SPECC1: variants seen among roughly 807,000 people sequenced by gnomAD.
SPECC1 encodes sperm antigen with calponin homology and coiled-coil domains 1, also known as cytospin-B.
In SPECC1, 62 loss-of-function variants were observed where a neutral mutation model predicts 104.1. That is an observed-to-expected ratio of 0.60 (90% CI 0.49 to 0.74). SPECC1 has a LOEUF of 0.74. SPECC1 is among the 30% of genes least tolerant of loss of function. The pLI, the probability that SPECC1 is intolerant of heterozygous loss-of-function variation, is 0.00. For synonymous variants in SPECC1, 513 were observed against 501.6 expected (o/e 1.02, Z -0.30); for missense variants, 1,306 against 1,310.5 (o/e 1.00, Z 0.05).
chr17:20,266,336 C>A (rs1384574205), intron 12 of SPECC1, among the ~76,000 whole-genome samples: 1 of 152,220 alleles, frequency 6.6e-6, no homozygotes, highest in East Asian at 1.9e-4. Context: ...GTAATCCCAG[C>A]ACTTTGGGAG....
Position 20,194,502 on chromosome 17 carries a change from A to ATTATTATTTTTTTTTTTTTTT in SPECC1, c.284-9829_284-9828insATTATTTTTTTTTTTTTTTTT. 1.2e-3 allele frequency among the ~76,000 whole-genome samples: 101 copies of ATTATTATTTTTTTTTTTTTTT among 86,534 alleles called. 8 individuals carry two copies. Among genetic ancestry groups the ATTATTATTTTTTTTTTTTTTT allele is most frequent in the African/African-American group, 2.4e-3 (45 of 18,738 alleles). The allele number at this position is 86,534 out of a possible 152,430, so 56.8% of individuals were successfully genotyped here. On this transcript the variant is annotated intron_variant, in intron 3 of 14. Coordinates refer to ENST00000395527, the MANE Select transcript of SPECC1 (RefSeq NM_001243439.2). ...TGTGTTCTGTTAGAAAAGAGAACGA[A>ATTATTATTTTTTTTTTTTTTT]TTTTTTTTTTTTTTTTTTTTTTTGA...
intron 1 of SPECC1, among the ~76,000 whole-genome samples, chr17:20,029,867 AT>A (rs1477694477): frequency 9.2e-5 from 14 of 151,448 alleles, no homozygotes; most frequent in Non-Finnish European, 1.9e-4. Flanking sequence ...GGTTTTATTT[AT>A]TTTTTTCCAT....
At chr17:20,242,251 C>T (rs1325497743) in intron 7 of SPECC1, among the ~76,000 whole-genome samples, 2 of 152,232 alleles carry the variant, frequency 1.3e-5, no homozygotes, top group Non-Finnish European at 2.9e-5. Context: ...CATTTGAAAA[C>T]TCTGTTCTCT....
intron 14 of SPECC1, among the ~76,000 whole-genome samples, chr17:20,313,155 A>C (rs1475950497): frequency 6.6e-6 from 1 of 152,228 alleles, no homozygotes; most frequent in Non-Finnish European, 1.5e-5. Context: ...CATGCTCATT[A>C]CAAGCTTACT....
At chr17:20,053,217 C>T (rs1468678444) in intron 1 of SPECC1, among the ~76,000 whole-genome samples, 2 of 152,162 alleles carry the variant, frequency 1.3e-5, no homozygotes, top group Non-Finnish European at 2.9e-5. Context: ...TTTCATGGCT[C>T]ACTTTTCAGG....
At chr17:20,243,115 A>G (rs767996868) in intron 7 of SPECC1, among the ~76,000 whole-genome samples, 8 of 152,186 alleles carry the variant, frequency 5.3e-5, no homozygotes, top group Non-Finnish European at 2.9e-5. Flanking sequence ...TTACAAAAGC[A>G]TGTACTTTTG....
intron 1 of SPECC1, among the ~76,000 whole-genome samples, chr17:20,021,660 G>GATAT (rs34412987): frequency 0.036 from 5,120 of 140,500 alleles, 130 homozygotes; most frequent in African/African-American, 0.068. Flanking sequence ...CCAAGGCTCT[G>GATAT]ATATATATAT....
chr17:20,210,857 G>A (rs1206238607), intron 4 of SPECC1, among the ~76,000 whole-genome samples: 1 of 152,098 alleles, frequency 6.6e-6, no homozygotes, highest in Admixed American at 6.5e-5. Context: ...TCCATGCCAG[G>A]CCTGGCCGGG....
rs373684023 is a variant in SPECC1, at chr17:20,020,603, A to T, written c.-22+11179A>T. Among the ~76,000 whole-genome samples the T allele has an allele frequency of 6.0e-4, 91 of 152,260 alleles. 1 individual carries two copies. The highest frequency in any genetic ancestry group is 2.1e-3 in the African/African-American group (87 of 41,552). ...CGCCTCAGCCTCCCAAAGTGCTGGG[A>T]TTACAGGCGTGAGCCTCCACGCCTG... On this transcript the variant is annotated intron_variant, in intron 1 of 14. Transcript: ENST00000395527.
rs1273866944 is a variant in SPECC1 at position 20,231,743 on chromosome 17, ATTAT to A, written c.2072-8_2072-5del. The A allele has an allele frequency of 6.2e-7, 1 of 1,613,450 alleles. No homozygotes were observed. Among genetic ancestry groups the A allele is most frequent in the South Asian group, 1.1e-5 (1 of 91,062 alleles). Reference sequence around the variant, plus strand: ...CACAGCTTTTCTAAGCCCTGTCTGAATTATTTATTTCTAGGTAGTGTGATCAAGC... The same window carrying A: ...CACAGCTTTTCTAAGCCCTGTCTGAATTATTTCTAGGTAGTGTGATCAAGC... On this transcript the variant is annotated splice_polypyrimidine_tract_variant and intron_variant, in intron 5 of 14. Transcript: ENST00000395527.
chr17:20,017,039 G>T (rs368013428), intron 1 of SPECC1: 1 of 152,222 alleles, frequency 6.6e-6, no homozygotes, highest in Non-Finnish European at 1.5e-5. Flanking sequence ...TGGACCAATC[G>T]GTTCTCTGTA....
At chr17:20,050,497 T>C (rs2045700189) in intron 1 of SPECC1, among the ~76,000 whole-genome samples, 1 of 152,230 alleles carries the variant, frequency 6.6e-6, no homozygotes, top group African/African-American at 2.4e-5. Context: ...TTCAATAAAA[T>C]CATTTTGGAG....
At chr17:20,072,996 C>T (rs1190569938) in intron 1 of SPECC1, among the ~76,000 whole-genome samples, 1 of 152,128 alleles carries the variant, frequency 6.6e-6, no homozygotes, top group African/African-American at 2.4e-5. Context: ...TAGCAGGGAA[C>T]GTGGACCCCA....
At chr17:20,174,740 G>A (rs916698522) in intron 3 of SPECC1, among the ~76,000 whole-genome samples, 5 of 151,848 alleles carry the variant, frequency 3.3e-5, no homozygotes, top group Admixed American at 1.3e-4. Context: ...GTTTATTCTC[G>A]GGGAGGTGGC....
chr17:20,065,693 C>A (rs2046334015), intron 1 of SPECC1, among the ~76,000 whole-genome samples: 1 of 152,192 alleles, frequency 6.6e-6, no homozygotes, highest in Non-Finnish European at 1.5e-5. Flanking sequence ...AGTACATGAT[C>A]TAAACCTAGC....
chr17:20,222,868 C>T (rs373175767), intron 4 of SPECC1, among the ~76,000 whole-genome samples: 4 of 151,956 alleles, frequency 2.6e-5, no homozygotes, highest in African/African-American at 9.6e-5. Context: ...GACATTTTTT[C>T]CTTCAGTACT....
chr17:20,089,590 C>T (rs1049673914), intron 1 of SPECC1, among the ~76,000 whole-genome samples: 2 of 152,156 alleles, frequency 1.3e-5, no homozygotes, highest in Admixed American at 6.5e-5. Context: ...TATGCCACAG[C>T]ACTCCAGCTT....
chr17:20,305,329 G>A (rs1598174835), intron 13 of SPECC1, among the ~76,000 whole-genome samples: 1 of 152,200 alleles, frequency 6.6e-6, no homozygotes, highest in East Asian at 1.9e-4. Flanking sequence ...GAGTCAGGAA[G>A]TGTTGTCCAT....
intron 13 of SPECC1, among the ~76,000 whole-genome samples, chr17:20,298,982 G>GTGTGT (rs1567617382): frequency 1.9e-4 from 6 of 31,966 alleles, no homozygotes; most frequent in African/African-American, 8.5e-4. Flanking sequence ...TATGTAGAGA[G>GTGTGT]AGAGAGAGAG....
Sources: allele counts gnomAD v4.1 joint callset (sites outside exome capture counted in the v4.1 genomes callset), GRCh38; gene constraint gnomAD v4.1.1; transcripts MANE v1.5; gene names NCBI Gene and HGNC (gene_info 2026-07-23, HGNC 2026-07-21).